Variants in KIAA0825 observed in about 807,000 individuals in gnomAD.
KIAA0825 encodes uncharacterized protein KIAA0825.
In KIAA0825, 119 loss-of-function variants were observed where a neutral mutation model predicts 147.6. The ratio of observed to expected loss-of-function variants is 0.81; its 90% confidence interval spans 0.69 to 0.94. KIAA0825 has a LOEUF of 0.94. Ranked by LOEUF, KIAA0825 falls within the 40% of genes least tolerant of loss-of-function variation. KIAA0825 has a pLI of 0.00. For synonymous variants in KIAA0825, 470 were observed against 518.1 expected (o/e 0.91, Z 1.26); for missense variants, 1,381 against 1,472.7 (o/e 0.94, Z 1.02).
At position 94,150,925 on chromosome 5, in the gene KIAA0825, A is replaced by G. The variant is rs1766433238; in HGVS notation, c.*3082T>C. Among the ~76,000 whole-genome samples the G allele has an allele frequency of 6.6e-6, 1 of 152,154 alleles. No homozygotes were observed. Among genetic ancestry groups the G allele is most frequent in the Non-Finnish European group, 1.5e-5 (1 of 68,026 alleles). ...TTTTCACATAGTAACTGCTAAACCA[A>G]TAATAAAATAGATATCTCTATATAA... On this transcript the variant is annotated 3_prime_UTR_variant, in exon 21 of 21. Coordinates refer to ENST00000682413, the MANE Select transcript of KIAA0825 (RefSeq NM_001145678.3).
At chr5:94,271,640 C>T (rs1007126351) in intron 20 of KIAA0825, among the ~76,000 whole-genome samples, 50 of 152,084 alleles carry the variant, frequency 3.3e-4, no homozygotes, top group Admixed American at 1.3e-4. Flanking sequence ...CCCAGCTACT[C>T]GGGAGGCTGA....
rs771517902 is a variant in KIAA0825, at chr5:94,524,025, T to C, written c.205A>G (p.Thr69Ala). The change falls in exon 4 of 21, where the codon ACT becomes GCT. Residue 69 changes from threonine (T) to alanine (A), a missense_variant. Transcript: ENST00000682413. ...TTAGTTAGCCATTCAAAGCAGTCAG[T>C]TGTTGTTTGCAGCTGCACACCTGGA... ...QCPGVQLQTT[T>A]DCFEWLTNYN... is the part of the protein sequence containing the mutation. 1.2e-6 allele frequency: 2 copies of C among 1,610,146 alleles called. No homozygotes were observed. The highest frequency in any genetic ancestry group is 1.7e-6 in the Non-Finnish European group (2 of 1,177,280).
At chr5:94,598,329 G>GTGA (rs1466170926) in intron 1 of KIAA0825, among the ~76,000 whole-genome samples, 4 of 151,988 alleles carry the variant, frequency 2.6e-5, no homozygotes, top group African/African-American at 9.7e-5. Context: ...CAGGGTCAGG[G>GTGA]TGATCAATAT....
intron 10 of KIAA0825, among the ~76,000 whole-genome samples, chr5:94,465,804 G>A (rs76148611): frequency 1.7e-3 from 265 of 152,080 alleles, no homozygotes; most frequent in African/African-American, 5.9e-3. Flanking sequence ...CAAATTTTCC[G>A]ACTGCAGAGG....
chr5:94,465,182 C>A, intron 10 of KIAA0825, 123 bp from the exon 11 acceptor site: 1 of 795,736 alleles, frequency 1.3e-6, no homozygotes, highest in Non-Finnish European at 1.9e-6. Flanking sequence ...CACTAGAAGA[C>A]CAACAAAGAT....
At chr5:94,204,500 A>G (rs1771976012) in intron 20 of KIAA0825, among the ~76,000 whole-genome samples, 1 of 152,224 alleles carries the variant, frequency 6.6e-6, no homozygotes, top group East Asian at 1.9e-4. Flanking sequence ...GCATCCAAAC[A>G]AATGGAAAAA....
chr5:94,329,779 G>C (rs1016887991), intron 20 of KIAA0825, among the ~76,000 whole-genome samples: 1 of 151,658 alleles, frequency 6.6e-6, no homozygotes, highest in African/African-American at 2.4e-5. Flanking sequence ...ACAGTATGTT[G>C]AATCAGAAAC....
At chr5:94,567,539 C>A in intron 2 of KIAA0825, 1 of 152,342 alleles carries the variant, frequency 6.6e-6, no homozygotes, top group South Asian at 2.0e-4. Context: ...CGCCAACAAC[C>A]TATTTCAACT....
chr5:94,597,518 T>A (rs933763629), intron 1 of KIAA0825, among the ~76,000 whole-genome samples: 1 of 152,140 alleles, frequency 6.6e-6, no homozygotes, highest in Admixed American at 6.5e-5. Context: ...ATAAAAGTGT[T>A]TGAAAGTAAT....
intron 20 of KIAA0825, among the ~76,000 whole-genome samples, chr5:94,184,598 T>C (rs1039771698): frequency 6.6e-5 from 10 of 152,226 alleles, no homozygotes; most frequent in African/African-American, 2.4e-4. Context: ...CAAAACCTCC[T>C]ATACTTTATA....
intron 20 of KIAA0825, among the ~76,000 whole-genome samples, chr5:94,277,590 T>TA (rs1238679527): frequency 6.6e-6 from 1 of 152,114 alleles, no homozygotes; most frequent in Non-Finnish European, 1.5e-5. Context: ...TGGTGATCAT[T>TA]AAAAACTCAG....
Position 94,281,198 on chromosome 5 carries a change from A to AACACACAC in KIAA0825, c.3710+103162_3710+103169dup, listed in dbSNP as rs34358354. Among the ~76,000 whole-genome samples, 588 of 145,110 alleles carry AACACACAC rather than the reference A, an allele frequency of 4.1e-3. 2 individuals carry two copies. Among genetic ancestry groups the AACACACAC allele is most frequent in the East Asian group, 5.8e-3 (28 of 4,804 alleles). On this transcript the variant is annotated intron_variant, in intron 20 of 20. Coordinates refer to ENST00000682413, the MANE Select transcript of KIAA0825 (RefSeq NM_001145678.3). The stretch of plus-strand genomic sequence containing the variant: ...ATATTAATTCAAACATAAGTGATTT[A>AACACACAC]ACACACACACACACACACACACACA...
At chr5:94,370,660 A>AGG (rs1746557336) in intron 20 of KIAA0825, among the ~76,000 whole-genome samples, 1 of 152,106 alleles carries the variant, frequency 6.6e-6, no homozygotes, top group Non-Finnish European at 1.5e-5. Context: ...TAATCCCAGC[A>AGG]CTTTGGGAGG....
chr5:94,603,433 T>C (rs912440145), intron 1 of KIAA0825, among the ~76,000 whole-genome samples: 4 of 152,112 alleles, frequency 2.6e-5, no homozygotes, highest in African/African-American at 9.7e-5. Flanking sequence ...AAGCACTAAA[T>C]GTAAAAAGGA....
chr5:94,298,821 G>C (rs1300662655), intron 20 of KIAA0825, among the ~76,000 whole-genome samples: 1 of 152,148 alleles, frequency 6.6e-6, no homozygotes, highest in Non-Finnish European at 1.5e-5. Context: ...CGTTCATCTT[G>C]TGCTTGAGCA....
At chr5:94,466,022 A>T (rs1250388341) in intron 10 of KIAA0825, among the ~76,000 whole-genome samples, 1 of 152,226 alleles carries the variant, frequency 6.6e-6, no homozygotes, top group African/African-American at 2.4e-5. Context: ...ATGTTAATAT[A>T]TCAAAAGTTA....
intron 20 of KIAA0825, among the ~76,000 whole-genome samples, chr5:94,350,188 A>T (rs1783490371): frequency 6.6e-6 from 1 of 152,226 alleles, no homozygotes; most frequent in African/African-American, 2.4e-5. Flanking sequence ...GAAGAGATGG[A>T]TAAATTCCTG....
chr5:94,514,450 A>G (rs888326499), intron 5 of KIAA0825, among the ~76,000 whole-genome samples: 1 of 152,256 alleles, frequency 6.6e-6, no homozygotes, highest in African/African-American at 2.4e-5. Flanking sequence ...AATGTATGCT[A>G]TGAGTCCAAC....
In KIAA0825 at chr5:94,227,823, G is replaced by A. The variant is rs937721458; in HGVS notation, c.3711-73699C>T. On this transcript the variant is annotated intron_variant, in intron 20 of 20. Transcript: ENST00000682413. ...AACATCACACACTGTGACCTGTCTC[G>A]GGGGTTGAGGGCTGGGAGAGGGATA... Among the ~76,000 whole-genome samples the A allele has an allele frequency of 3.9e-4, 59 of 151,958 alleles. 1 individual carries two copies. Among genetic ancestry groups the A allele is most frequent in the East Asian group, 1.9e-4 (1 of 5,160 alleles).
Sources: allele counts gnomAD v4.1 joint callset (sites outside exome capture counted in the v4.1 genomes callset), GRCh38; gene constraint gnomAD v4.1.1; transcripts MANE v1.5; gene names NCBI Gene and HGNC (gene_info 2026-07-23, HGNC 2026-07-21).